Variants in COL11A1 observed in about 807,000 individuals in gnomAD.
COL11A1 encodes the protein collagen alpha-1(XI) chain.
A neutral mutation model predicts 265.2 loss-of-function variants in COL11A1; 74 were observed. The ratio of observed to expected loss-of-function variants is 0.28; its 90% CI spans 0.23 to 0.34. COL11A1 has a LOEUF of 0.34. COL11A1 is among the 10% of genes least tolerant of loss of function. COL11A1 has a pLI of 1.00. For missense variants in COL11A1, 2,165 were observed against 2,263.6 expected (o/e 0.96, Z 0.88); for synonymous variants, 816 against 727.6 (o/e 1.12, Z -1.96).
intron 38 of COL11A1, among the ~76,000 whole-genome samples, chr1:102,964,505 T>A (rs1369582927): frequency 1.3e-5 from 2 of 152,102 alleles, no homozygotes; most frequent in Non-Finnish European, 1.5e-5. Flanking sequence ...AATAAAATAA[T>A]CAATAAATCC....
chr1:102,965,680 G>A, intron 37 of COL11A1, 140 bp from the exon 38 acceptor site: 1 of 662,474 alleles, frequency 1.5e-6, no homozygotes, highest in South Asian at 1.9e-5. Context: ...GCTTAAATAT[G>A]TTTAATATGT....
intron 4 of COL11A1, among the ~76,000 whole-genome samples, chr1:103,051,068 A>T (rs1044686574): frequency 2.6e-5 from 4 of 152,224 alleles, no homozygotes; most frequent in Admixed American, 6.5e-5. Flanking sequence ...TTGAGGAGGC[A>T]GTCTGCCCAT....
chr1:102,981,003 T>C (rs1662981470), intron 31 of COL11A1, among the ~76,000 whole-genome samples: 2 of 152,160 alleles, frequency 1.3e-5, no homozygotes, highest in Non-Finnish European at 2.9e-5. Flanking sequence ...ATTACACACT[T>C]ATCAGGAAGG....
chr1:103,074,297 A>C (rs1671804635), intron 4 of COL11A1, among the ~76,000 whole-genome samples: 1 of 152,128 alleles, frequency 6.6e-6, no homozygotes, highest in African/African-American at 2.4e-5. Flanking sequence ...GAAATGAAGA[A>C]AATGTTCTTT....
intron 4 of COL11A1, among the ~76,000 whole-genome samples, chr1:103,064,309 T>C (rs1482364337): frequency 1.3e-5 from 2 of 152,124 alleles, no homozygotes; most frequent in African/African-American, 2.4e-5. Context: ...AGATGTCTTT[T>C]AGTAGGTAAA....
chr1:102,914,290 A>G, intron 52 of COL11A1, 62 bp downstream of exon 52: 2 of 1,301,284 alleles, frequency 1.5e-6, no homozygotes, highest in Non-Finnish European at 2.2e-6. Context: ...TTCTTTATTA[A>G]CAATACAGAA....
intron 4 of COL11A1, among the ~76,000 whole-genome samples, chr1:103,036,324 A>G (rs1488839444): frequency 5.5e-4 from 1 of 1,816 alleles, no homozygotes; most frequent in African/African-American, 5.9e-4. Flanking sequence ...TTGCTATCGT[A>G]TATATATATA....
At chr1:103,076,774 T>A (rs1672005808) in intron 3 of COL11A1, among the ~76,000 whole-genome samples, 1 of 152,140 alleles carries the variant, frequency 6.6e-6, no homozygotes, top group South Asian at 2.1e-4. Context: ...GCACTTCGCA[T>A]ATTTAAGCTC....
chr1:103,026,137 T>C, intron 6 of COL11A1, 79 bp downstream of exon 6: 2 of 1,233,228 alleles, frequency 1.6e-6, no homozygotes. Flanking sequence ...TATGGTAAGT[T>C]TGAGGAACAG....
Position 102,987,702 on chromosome 1 carries a change from G to A in COL11A1, c.2433C>T (p.Gly811=), listed in dbSNP as rs1557908325. The change falls in exon 30 of 67, where the codon GGC becomes GGT. Residue 811 remains glycine (G), a synonymous_variant. Transcript: ENST00000370096. The part of the protein sequence containing the change: ...VGQIGPRGED[G]PEGPKGRAGP... ...CTGCTCGACCTTTGGGTCCTTCAGG[G>A]CCATCTTCCCCTCTTGGGCCAATTT... The A allele has an allele frequency of 6.2e-7, 1 of 1,613,468 alleles. No homozygotes were observed. Among genetic ancestry groups the A allele is most frequent in the African/African-American group, 1.3e-5 (1 of 74,944 alleles).
chr1:103,088,504 AAAAT>A (rs1252366587), intron 1 of COL11A1, among the ~76,000 whole-genome samples: 1 of 152,204 alleles, frequency 6.6e-6, no homozygotes, highest in Non-Finnish European at 1.5e-5. Flanking sequence ...TAAATGTTGA[AAAAT>A]AAAAGGACAA....
intron 39 of COL11A1, 84 bp from the exon 40 acceptor site, chr1:102,962,349 C>A: frequency 1.9e-6 from 2 of 1,041,850 alleles, no homozygotes; most frequent in Non-Finnish European, 3.0e-6. Flanking sequence ...CTCTAAACTA[C>A]TGTAAGTAAA....
In COL11A1 at chr1:102,921,524, T is replaced by G; in HGVS notation, c.3702A>C (p.Gly1234=). 6.2e-7 allele frequency: 1 copy of G among 1,612,548 alleles called. No homozygotes were observed. The highest frequency in any genetic ancestry group is 8.5e-7 in the Non-Finnish European group (1 of 1,178,814). ...TATATTTCAGAGTTCTTACATCAGC[T>G]CCATTGGGACCTTGAGGGCCTCTTG... ...PGPRGPQGPN[G]ADGPQGPPGS... is the part of the protein sequence containing the mutation. The change falls in exon 48 of 67, where the codon GGA becomes GGC. Residue 1234 remains glycine (G), a synonymous_variant. Transcript: ENST00000370096.
At chr1:102,975,527 T>C (rs1662385341) in intron 35 of COL11A1, among the ~76,000 whole-genome samples, 1 of 152,142 alleles carries the variant, frequency 6.6e-6, no homozygotes, top group Admixed American at 6.5e-5. Context: ...ATAAAAATTA[T>C]AATATCATTC....
chr1:103,090,146 T>TGATAA (rs1673201793), intron 1 of COL11A1, among the ~76,000 whole-genome samples: 1 of 151,310 alleles, frequency 6.6e-6, no homozygotes, highest in Non-Finnish European at 1.5e-5. Context: ...AATAAATAAA[T>TGATAA]AATAAAATAA....
rs1490014591 is a variant in COL11A1 at position 102,970,266 on chromosome 1, G to C, written c.2815C>G (p.Pro939Ala). The change falls in exon 37 of 67, where the codon CCT becomes GCT. Residue 939 changes from proline (P) to alanine (A), a missense_variant. Transcript: ENST00000370096. ...TGTCCTGGCAGCCCATCCTTCCCAG[G>C]TGGTCCCTGAAATTACAAATATTAA... Reference protein sequence around the residue: ...FPGPKGPPGPPGKDGLPGHPG... With the variant: ...FPGPKGPPGPAGKDGLPGHPG... 1 of 1,611,008 alleles carries C rather than the reference G, an allele frequency of 6.2e-7. No individual in the cohort carries two copies. Among genetic ancestry groups the C allele is most frequent in the Non-Finnish European group, 8.5e-7 (1 of 1,178,036 alleles).
chr1:102,940,748 C>T (rs1658639561), intron 42 of COL11A1, among the ~76,000 whole-genome samples: 1 of 152,134 alleles, frequency 6.6e-6, no homozygotes, highest in South Asian at 2.1e-4. Flanking sequence ...AGCCTCTTCT[C>T]CCCTTCCTTA....
intron 17 of COL11A1, 23 bp from the exon 18 acceptor site, chr1:103,005,914 A>G (rs776949581): frequency 2.5e-5 from 40 of 1,613,570 alleles, no homozygotes; most frequent in Non-Finnish European, 3.3e-5. Flanking sequence ...CATCATCATC[A>G]TCATCATCAT....
intron 49 of COL11A1, among the ~76,000 whole-genome samples, chr1:102,916,586 A>T (rs1197605944): frequency 1.3e-5 from 2 of 152,020 alleles, no homozygotes; most frequent in Non-Finnish European, 2.9e-5. Context: ...ACACAAATCC[A>T]CTGCTCTTAA....
Sources: gnomAD v4.1 joint callset for allele counts (sites outside exome capture counted in the v4.1 genomes callset) on GRCh38, gnomAD v4.1.1 for gene constraint, MANE v1.5 for transcripts, NCBI Gene and HGNC (gene_info 2026-07-23, HGNC 2026-07-21) for gene names.